SCHIP1: variants seen among roughly 807,000 people sequenced by gnomAD.
SCHIP1 encodes the protein schwannomin-interacting protein 1.
A neutral mutation model predicts 29.7 loss-of-function variants in SCHIP1; 8 were observed. The ratio of observed to expected loss-of-function variants is 0.27; its 90% CI spans 0.16 to 0.49. The LOEUF is 0.49. SCHIP1 is among the 20% of genes least tolerant of loss of function. SCHIP1 has a pLI of 0.99. For synonymous variants in SCHIP1, 76 were observed against 94.9 expected (o/e 0.80, Z 1.16); for missense variants, 193 against 294.6 (o/e 0.66, Z 2.52).
At chr3:159,313,020 C>T in the SCHIP1 span, among the ~76,000 whole-genome samples, 1 of 152,108 alleles carries the variant, frequency 6.6e-6, no homozygotes, top group Non-Finnish European at 1.5e-5. Flanking sequence ...TGAGAAATTG[C>T]CAAAGTATTT....
the SCHIP1 span, among the ~76,000 whole-genome samples, chr3:159,695,396 G>T: frequency 6.6e-6 from 1 of 152,060 alleles, no homozygotes; most frequent in Non-Finnish European, 1.5e-5. Flanking sequence ...TTCTTGCATT[G>T]CTGTTAGCAT....
At chr3:159,881,590 G>C (rs1716441888) in intron 2 of SCHIP1, among the ~76,000 whole-genome samples, 1 of 152,096 alleles carries the variant, frequency 6.6e-6, no homozygotes, top group Admixed American at 6.5e-5. Context: ...AAATTATATT[G>C]CCAGATACAG....
the SCHIP1 span, among the ~76,000 whole-genome samples, chr3:159,466,297 A>G: frequency 6.6e-6 from 1 of 152,080 alleles, no homozygotes; most frequent in African/African-American, 2.4e-5. Context: ...AGACTGGGTG[A>G]CAGAGACAGA....
At chr3:159,492,207 A>C in the SCHIP1 span, among the ~76,000 whole-genome samples, 2 of 152,158 alleles carry the variant, frequency 1.3e-5, no homozygotes, top group African/African-American at 4.8e-5. Flanking sequence ...TCCTCCTCCA[A>C]AGGAACACAG....
the SCHIP1 span, among the ~76,000 whole-genome samples, chr3:159,670,958 AC>A: frequency 6.6e-6 from 1 of 152,032 alleles, no homozygotes; most frequent in South Asian, 2.1e-4. Flanking sequence ...AAAATGTAGG[AC>A]CCTTGTTCAA....
the SCHIP1 span, among the ~76,000 whole-genome samples, chr3:159,408,595 A>G: frequency 4.2e-4 from 64 of 152,214 alleles, no homozygotes; most frequent in African/African-American, 1.5e-3. Flanking sequence ...TCTTAGACAC[A>G]TACAACCTGA....
At chr3:159,764,398 G>A in the SCHIP1 span, 1 of 1,522,786 alleles carries the variant, frequency 6.6e-7, no homozygotes, top group South Asian at 1.3e-5. This position sits in a 1 kb window ranked among gnomAD's most constrained non-coding sequence, Gnocchi z 6.1. Context: ...CGGGAGGCTG[G>A]AGCAGGCTTG....
chr3:159,887,684 A>G, intron 3 of SCHIP1, 24 bp from the exon 5 acceptor site: 1 of 1,613,362 alleles, frequency 6.2e-7, no homozygotes, highest in Non-Finnish European at 8.5e-7. Flanking sequence ...TGGAAGGCTC[A>G]GGCTGCTCTT....
At chr3:159,446,555 C>A in the SCHIP1 span, among the ~76,000 whole-genome samples, 1 of 151,994 alleles carries the variant, frequency 6.6e-6, no homozygotes, top group Non-Finnish European at 1.5e-5. Context: ...TACAGCAATA[C>A]AATATTGTTG....
chr3:159,895,548 G>A (rs1171538959), intron 6 of SCHIP1, among the ~76,000 whole-genome samples: 1 of 152,070 alleles, frequency 6.6e-6, no homozygotes. Context: ...TCTCTGAGAA[G>A]TGACCATTCA....
At chr3:159,781,882 A>G in the SCHIP1 span, among the ~76,000 whole-genome samples, 30 of 152,384 alleles carry the variant, frequency 2.0e-4, no homozygotes, top group South Asian at 6.0e-3. Flanking sequence ...CTAAAAATCT[A>G]GAAAACAGCC....
chr3:159,278,134 A>G, the SCHIP1 span, among the ~76,000 whole-genome samples: 608 of 152,260 alleles, frequency 4.0e-3, 2 homozygotes, highest in African/African-American at 0.014. Flanking sequence ...GTGCAGTGTC[A>G]TCTCATTTAA....
chr3:159,896,234 C>T (rs1326582802), intron 6 of SCHIP1, among the ~76,000 whole-genome samples: 1 of 152,152 alleles, frequency 6.6e-6, no homozygotes, highest in Non-Finnish European at 1.5e-5. Context: ...ATAAAGTAGT[C>T]ACTCAGTTAC....
chr3:159,478,154 C>T, the SCHIP1 span, among the ~76,000 whole-genome samples: 1 of 152,018 alleles, frequency 6.6e-6, no homozygotes, highest in Non-Finnish European at 1.5e-5. Context: ...AAATCCTGAC[C>T]TCAGGTGGTC....
the SCHIP1 span, among the ~76,000 whole-genome samples, chr3:159,444,118 G>C: frequency 6.6e-6 from 1 of 152,116 alleles, no homozygotes; most frequent in East Asian, 1.9e-4. Flanking sequence ...GATGGGAAGA[G>C]AGAAAAGGCA....
At chr3:159,716,359 C>T in the SCHIP1 span, among the ~76,000 whole-genome samples, 1 of 152,146 alleles carries the variant, frequency 6.6e-6, no homozygotes, top group South Asian at 2.1e-4. Context: ...GCAAAATAAC[C>T]AGCTAACATC....
At chr3:159,315,565 A>G in the SCHIP1 span, among the ~76,000 whole-genome samples, 1 of 151,722 alleles carries the variant, frequency 6.6e-6, no homozygotes, top group Non-Finnish European at 1.5e-5. Flanking sequence ...ATATATATTC[A>G]TAATTATATC....
At chr3:159,640,052 G>A in the SCHIP1 span, among the ~76,000 whole-genome samples, 1 of 152,092 alleles carries the variant, frequency 6.6e-6, no homozygotes. Context: ...TGGAGTTAAT[G>A]TTTAGAATTT....
the SCHIP1 span, among the ~76,000 whole-genome samples, chr3:159,780,403 A>C: frequency 6.6e-6 from 1 of 152,172 alleles, no homozygotes; most frequent in African/African-American, 2.4e-5. Flanking sequence ...AACCCTAATT[A>C]ATAACAGTGG....
Sources: allele counts gnomAD v4.1 joint callset (sites outside exome capture counted in the v4.1 genomes callset), GRCh38; gene constraint gnomAD v4.1.1; non-coding constraint Gnocchi (gnomAD v3.1); transcripts MANE v1.5; gene names NCBI Gene and HGNC (gene_info 2026-07-23, HGNC 2026-07-21).